The following SLC6A15 variants were observed in gnomAD, a reference collection of about 807,000 sequenced individuals.
SLC6A15 encodes solute carrier family 6 member 15.
A neutral mutation model predicts 68.5 loss-of-function variants in SLC6A15; 33 were observed. The observed-to-expected ratio is 0.48, with a 90% confidence interval of 0.37 to 0.64. The LOEUF (loss-of-function observed/expected upper bound fraction) is 0.64. Ranked by LOEUF, SLC6A15 falls within the 30% of genes least tolerant of loss-of-function variation. The probability of loss-of-function intolerance (pLI) is 0.00; values close to 1 mark genes in which losing one functional copy is unlikely to be tolerated. For missense variants in SLC6A15, 747 were observed against 874.3 expected, an observed-to-expected ratio of 0.85 and a Z score of 1.84; for synonymous variants, 347 against 301.0, an observed-to-expected ratio of 1.15 and a Z score of -1.58.
intron 1 of SLC6A15, among the ~76,000 whole-genome samples, chr12:84,901,091 T>TAA (rs1383991955): frequency 1.3e-5 from 2 of 150,680 alleles, no homozygotes; most frequent in African/African-American, 2.4e-5. Flanking sequence ...TATATATATA[T>TAA]AATGTATTTT....
In SLC6A15 at chr12:84,883,077, A is replaced by G. The variant is rs112952935; in HGVS notation, c.756+782T>C. On this transcript the variant is annotated intron_variant, in intron 5 of 11. Coordinates refer to ENST00000266682, the MANE Select transcript of SLC6A15 (RefSeq NM_182767.6). ...AGCTGGACAGTTAAACGGCAGAGAG[A>G]AGAGCCAACAGTAAATTCTTGCTAT... 2,084 of 985,154 alleles carry G rather than the reference A, an allele frequency of 2.1e-3. 39 individuals are homozygous for G. In the African/African-American group the frequency reaches 0.032, roughly 15 times the overall value. The allele number at this position is 985,154 out of a possible 1,614,324, so 61.0% of individuals were successfully genotyped here.
At chr12:84,887,412 TTA>T (rs1314666322) in intron 2 of SLC6A15, among the ~76,000 whole-genome samples, 1 of 152,162 alleles carries the variant, frequency 6.6e-6, no homozygotes, top group African/African-American at 2.4e-5. Context: ...CAGCATCTGT[TTA>T]TCTCTGTAAT....
chr12:84,862,127 C>T (rs1870880702), intron 11 of SLC6A15, 121 bp from the exon 12 acceptor site: 1 of 1,005,664 alleles, frequency 9.9e-7, no homozygotes, highest in Non-Finnish European at 1.4e-6. Context: ...CTTGCTTTGA[C>T]CAATAGAAAG....
At chr12:84,889,265 C>T (rs1335395293) in intron 2 of SLC6A15, among the ~76,000 whole-genome samples, 1 of 151,656 alleles carries the variant, frequency 6.6e-6, no homozygotes, top group Non-Finnish European at 1.5e-5. Context: ...CCGAGGCAGA[C>T]GGATCATGAG....
chr12:84,899,242 A>T (rs1329724193), intron 1 of SLC6A15, among the ~76,000 whole-genome samples: 2 of 152,168 alleles, frequency 1.3e-5, no homozygotes, highest in East Asian at 1.9e-4. Flanking sequence ...CTAAGTCCAT[A>T]CTGATTCAAG....
chr12:84,869,733 C>T (rs1046758483), intron 9 of SLC6A15, among the ~76,000 whole-genome samples: 2 of 152,046 alleles, frequency 1.3e-5, no homozygotes, highest in Admixed American at 6.6e-5. Flanking sequence ...ATTTAGATGA[C>T]CTAGACTCTT....
chr12:84,883,063 T>TA, intron 5 of SLC6A15: 9 of 983,478 alleles, frequency 9.2e-6, no homozygotes, highest in Non-Finnish European at 1.1e-5. Context: ...GCTGGACAGT[T>TA]AAACGGCAGA....
rs746624989 is a variant in SLC6A15, at chr12:84,870,663, T to A, written c.1310A>T (p.Gln437Leu). 6.2e-7 allele frequency: 1 copy of A among 1,606,986 alleles called. No individual in the cohort carries two copies. The highest frequency in any genetic ancestry group is 1.7e-5 in the Admixed American group (1 of 59,094). The change falls in exon 9 of 12, where the codon CAG becomes CTG. Residue 437 changes from glutamine (Q) to leucine (L), a missense_variant. Physicochemically the swap from Gln to Leu is moderately radical, Grantham distance 113. Coordinates refer to ENST00000266682, the MANE Select transcript of SLC6A15 (RefSeq NM_182767.6). ...GGCAATAAAAGCTAAGCCGGTCCCC[T>A]GAACAGCCTGCAAAATACACAAAAT... ...KIEEELNKAV[Q>L]GTGLAFIAFT...
At chr12:84,912,325 C>A (rs894019697) in intron 1 of SLC6A15, among the ~76,000 whole-genome samples, 198 bp downstream of exon 1, 3 of 152,128 alleles carry the variant, frequency 2.0e-5, no homozygotes, top group African/African-American at 4.8e-5. Context: ...CAGAGTTAGA[C>A]GGTTGCCCGC....
chr12:84,911,041 C>T (rs1334290494), intron 1 of SLC6A15, among the ~76,000 whole-genome samples: 1 of 152,064 alleles, frequency 6.6e-6, no homozygotes, highest in Non-Finnish European at 1.5e-5. Context: ...ACGTACAAGT[C>T]AAGCCCAGTA....
intron 11 of SLC6A15, among the ~76,000 whole-genome samples, chr12:84,862,354 C>A (rs1471123806): frequency 6.6e-6 from 1 of 152,268 alleles, no homozygotes; most frequent in South Asian, 2.1e-4. Flanking sequence ...AGCCACAGAA[C>A]TGTAAGAAAT....
At chr12:84,908,478 G>C (rs1224859341) in intron 1 of SLC6A15, among the ~76,000 whole-genome samples, 1 of 151,452 alleles carries the variant, frequency 6.6e-6, no homozygotes, top group Non-Finnish European at 1.5e-5. Flanking sequence ...GGCATGTGAT[G>C]AATGAATAAA....
intron 1 of SLC6A15, among the ~76,000 whole-genome samples, chr12:84,904,781 C>A (rs903905178): frequency 1.3e-5 from 2 of 152,002 alleles, no homozygotes; most frequent in Admixed American, 6.6e-5. Flanking sequence ...ATCAAAATGA[C>A]CATGAGAGAA....
Position 84,891,816 on chromosome 12 carries a change from T to G in SLC6A15, c.289+16A>C, listed in dbSNP as rs1361247835. ...CAATTTACTACAGTAATTTATCACT[T>G]AAAAAGATTACTTACCGCCCCCATT... On this transcript the variant is annotated intron_variant, in intron 2 of 11. Coordinates refer to ENST00000266682, the MANE Select transcript of SLC6A15 (RefSeq NM_182767.6). 2 of 1,601,508 alleles carry G rather than the reference T, an allele frequency of 1.2e-6. No individual in the cohort carries two copies. The highest frequency in any genetic ancestry group is 1.7e-6 in the Non-Finnish European group (2 of 1,173,030).
At chr12:84,866,399 A>G (rs1350342362) in intron 10 of SLC6A15, among the ~76,000 whole-genome samples, 1 of 152,098 alleles carries the variant, frequency 6.6e-6, no homozygotes, top group African/African-American at 2.4e-5. Flanking sequence ...ATAAATAGTG[A>G]ATTTATTCAT....
chr12:84,900,406 A>G (rs938202169), intron 1 of SLC6A15, among the ~76,000 whole-genome samples: 8 of 151,950 alleles, frequency 5.3e-5, no homozygotes, highest in African/African-American at 1.7e-4. Context: ...GTCAATAATG[A>G]TAATTTAACT....
chr12:84,881,286 A>C (rs935186422), intron 5 of SLC6A15: 1 of 220,476 alleles, frequency 4.5e-6, no homozygotes, highest in Admixed American at 6.5e-5. Flanking sequence ...CATTATTATC[A>C]AGTTTGATTC....
chr12:84,881,801 TC>T, intron 5 of SLC6A15: 3 of 964,266 alleles, frequency 3.1e-6, no homozygotes, highest in Non-Finnish European at 3.7e-6. Context: ...AACCTTTAAT[TC>T]CTCATAAAGT....
chr12:84,875,363 A>G (rs1368726260), intron 6 of SLC6A15, among the ~76,000 whole-genome samples: 3 of 152,064 alleles, frequency 2.0e-5, no homozygotes, highest in East Asian at 3.9e-4. Context: ...TGAGAAAACC[A>G]GACACCAGTG....
Sources: allele counts gnomAD v4.1 joint callset (sites outside exome capture counted in the v4.1 genomes callset), GRCh38; gene constraint gnomAD v4.1.1; transcripts MANE v1.5; gene names NCBI Gene and HGNC (gene_info 2026-07-23, HGNC 2026-07-21).